AFTPH: variants seen among roughly 807,000 people sequenced by gnomAD.
The protein encoded by AFTPH is aftiphilin.
Under a neutral mutation model 72.5 loss-of-function variants are expected in AFTPH, and 7 were observed. That is an observed-to-expected ratio of 0.10 (90% CI 0.05 to 0.18). The LOEUF (loss-of-function observed/expected upper bound fraction) is 0.18. Ranked by LOEUF, AFTPH falls within the 10% of genes least tolerant of loss-of-function variation. The probability of loss-of-function intolerance (pLI) is 1.00; values close to 1 mark genes in which losing one functional copy is unlikely to be tolerated. For synonymous variants in AFTPH, 337 were observed against 370.1 expected, an observed-to-expected ratio of 0.91 and a Z score of 1.03; for missense variants, 979 against 1,060.5, an observed-to-expected ratio of 0.92 and a Z score of 1.07.
At chr2:64,544,684 A>G (rs1670459853) in intron 1 of AFTPH, among the ~76,000 whole-genome samples, 1 of 142,586 alleles carries the variant, frequency 7.0e-6, no homozygotes. Flanking sequence ...TTCATTATAC[A>G]AGTAATACTT....
rs1275895974 is a variant in AFTPH, at chr2:64,551,329, A to G, written c.-32-114A>G. 8.6e-6 allele frequency: 7 copies of G among 811,122 alleles called. No individual in the cohort carries two copies. The East Asian group carries it at 1.9e-4, about 22-fold the overall frequency. The allele number at this position is 811,122 out of a possible 1,614,324, so 50.2% of individuals were successfully genotyped here. A position where few individuals can be genotyped will look rare whatever the true frequency, so the allele number is the denominator to read the frequency against. ...AGGACATGGTCAAGGAAAAAAGGAG[A>G]CAAAATAGAGCATTGTAAATTTGCA... On this transcript the variant is annotated intron_variant, in intron 1 of 8. Coordinates refer to ENST00000238856, the Ensembl canonical transcript of AFTPH.
chr2:64,552,460 G>T lies in AFTPH; in HGVS notation c.986G>T (p.Gly329Val). 6.2e-7 allele frequency: 1 copy of T among 1,614,010 alleles called. No individual in the cohort carries two copies. ...CAACAGGATGAATTTTTACAGTCAG[G>T]TGTTCAGTCAAAGGCTTGGAGTTTG... Residue 329 changes from glycine (G) to valine (V), a missense_variant, in exon 2 of 9, where the codon GGT (glycine) becomes GTT (valine). Gly to Val is a moderately radical substitution (Grantham distance 109, BLOSUM62 -3). Coordinates refer to ENST00000238856, the Ensembl canonical transcript of AFTPH.
intron 5 of AFTPH, among the ~76,000 whole-genome samples, chr2:64,572,081 ATGG>A (rs1180572115): frequency 6.6e-6 from 1 of 152,034 alleles, no homozygotes; most frequent in Non-Finnish European, 1.5e-5. Context: ...TTAGTCAGGC[ATGG>A]TGGTGGACAC....
At chr2:64,560,996 T>C (rs1398609673) in intron 2 of AFTPH, among the ~76,000 whole-genome samples, 1 of 152,252 alleles carries the variant, frequency 6.6e-6, no homozygotes, top group Non-Finnish European at 1.5e-5. Flanking sequence ...AAGCTCCTGC[T>C]TTGGGCTAGT....
chr2:64,569,319 A>T (rs1672276266), intron 4 of AFTPH, 101 bp downstream of exon 4: 1 of 1,422,060 alleles, frequency 7.0e-7, no homozygotes, highest in Non-Finnish European at 9.5e-7. Flanking sequence ...GTTCCTCAGA[A>T]AATAAATATT....
intron 2 of AFTPH, among the ~76,000 whole-genome samples, chr2:64,558,010 A>C (rs962245361): frequency 1.3e-5 from 2 of 152,210 alleles, no homozygotes; most frequent in Non-Finnish European, 2.9e-5. Context: ...GGGATTGGTA[A>C]GTATACAGTT....
chr2:64,530,648 TTTTA>T (rs1440776540), intron 1 of AFTPH, among the ~76,000 whole-genome samples: 2 of 152,194 alleles, frequency 1.3e-5, no homozygotes, highest in Non-Finnish European at 2.9e-5. Context: ...TTTCTTCCTG[TTTTA>T]TTTTTACTGT....
chr2:64,581,297 A>G, intron 7 of AFTPH, 24 bp downstream of exon 8: 5 of 1,548,094 alleles, frequency 3.2e-6, no homozygotes, highest in Non-Finnish European at 4.4e-6. Context: ...TAAAACCACA[A>G]TTCCAGTTTA....
intron 2 of AFTPH, among the ~76,000 whole-genome samples, chr2:64,565,936 G>A (rs1044606896): frequency 6.6e-6 from 1 of 152,228 alleles, no homozygotes; most frequent in African/African-American, 2.4e-5. Flanking sequence ...CATTGCCCAA[G>A]TGGTTGGATG....
intron 1 of AFTPH, among the ~76,000 whole-genome samples, chr2:64,546,318 T>A (rs991402245): frequency 6.6e-6 from 1 of 152,196 alleles, no homozygotes; most frequent in Non-Finnish European, 1.5e-5. Flanking sequence ...AAAGGTGTTA[T>A]GAGCATGTAA....
At chr2:64,558,892 A>C (rs1336258363) in intron 2 of AFTPH, among the ~76,000 whole-genome samples, 1 of 152,152 alleles carries the variant, frequency 6.6e-6, no homozygotes, top group Non-Finnish European at 1.5e-5. Flanking sequence ...ACATACCAGC[A>C]CTTACTCAGA....
chr2:64,581,210 C>T, intron 7 of AFTPH: 6 of 1,598,852 alleles, frequency 3.8e-6, no homozygotes, highest in Non-Finnish European at 8.5e-7. Flanking sequence ...TTCCACTCTT[C>T]TGAACCTTGA....
chr2:64,559,136 TG>T (rs1001371568), intron 2 of AFTPH, among the ~76,000 whole-genome samples: 3 of 152,320 alleles, frequency 2.0e-5, no homozygotes, highest in African/African-American at 7.2e-5. Flanking sequence ...AACCAGAGTC[TG>T]GGGTCCTGTG....
chr2:64,554,949 T>A (rs1212237791), intron 2 of AFTPH, among the ~76,000 whole-genome samples: 1 of 152,214 alleles, frequency 6.6e-6, no homozygotes, highest in African/African-American at 2.4e-5. Context: ...TCTTGCATCA[T>A]ACAAGTTGAT....
intron 1 of AFTPH, among the ~76,000 whole-genome samples, chr2:64,548,629 G>A (rs531221886): frequency 6.6e-6 from 1 of 152,122 alleles, no homozygotes; most frequent in South Asian, 2.1e-4. Flanking sequence ...ATGTGTGCAA[G>A]GGTTCCTTTC....
chr2:64,571,271 C>T (rs1672414031), intron 5 of AFTPH, among the ~76,000 whole-genome samples: 1 of 147,124 alleles, frequency 6.8e-6, no homozygotes, highest in Admixed American at 6.6e-5. Flanking sequence ...CCCCCCACCC[C>T]CCTGTTTCTT....
chr2:64,539,194 T>C (rs1670063612), intron 1 of AFTPH, among the ~76,000 whole-genome samples: 1 of 152,166 alleles, frequency 6.6e-6, no homozygotes, highest in Non-Finnish European at 1.5e-5. Context: ...TCATGAAGTA[T>C]TAAAGTCCTG....
At chr2:64,528,245 A>G (rs865827792) in intron 1 of AFTPH, among the ~76,000 whole-genome samples, 1 of 152,198 alleles carries the variant, frequency 6.6e-6, no homozygotes, top group Non-Finnish European at 1.5e-5. Flanking sequence ...AACCATTTCA[A>G]TTAAATATCT....
intron 1 of AFTPH, among the ~76,000 whole-genome samples, chr2:64,526,829 A>C (rs1403918754): frequency 6.6e-6 from 1 of 152,216 alleles, no homozygotes; most frequent in Non-Finnish European, 1.5e-5. Context: ...CTTTATATAC[A>C]GTGTACTAAC....
Sources: gnomAD v4.1 joint callset for allele counts (sites outside exome capture counted in the v4.1 genomes callset) on GRCh38, gnomAD v4.1.1 for gene constraint, MANE v1.5 for transcripts, NCBI Gene and HGNC (gene_info 2026-07-23, HGNC 2026-07-21) for gene names.